Variants in SPATA1 observed in about 807,000 individuals in gnomAD.
SPATA1 encodes spermatogenesis associated 1, also known as spermatogenesis-associated protein 1.
A neutral mutation model predicts 59.6 loss-of-function variants in SPATA1; 57 were observed. The ratio of observed to expected loss-of-function variants is 0.96; its 90% CI spans 0.77 to 1.19. The LOEUF is 1.19. Ranked by LOEUF, SPATA1 falls within the 50% of genes most tolerant of loss-of-function variation. The probability of loss-of-function intolerance (pLI) is 0.00; values close to 1 mark genes in which losing one functional copy is unlikely to be tolerated. For missense variants in SPATA1, 448 were observed against 480.7 expected, an observed-to-expected ratio of 0.93 and a Z score of 0.64; for synonymous variants, 147 against 163.9, an observed-to-expected ratio of 0.90 and a Z score of 0.79.
chr1:84,528,402 A>G (rs1243767194), intron 6 of SPATA1, among the ~76,000 whole-genome samples: 3 of 152,164 alleles, frequency 2.0e-5, no homozygotes, highest in Non-Finnish European at 4.4e-5. Context: ...TCTTTTGATC[A>G]TAGGAATTCC....
chr1:84,548,490 A>G lies in SPATA1; in HGVS notation c.947-296A>G, dbSNP rs1684163933. Among the ~76,000 whole-genome samples the G allele has an allele frequency of 3.4e-5, 5 of 148,174 alleles. No individual in the cohort carries two copies. In the South Asian group the frequency reaches 1.0e-3, roughly 31 times the overall value. ...AGTATATATATTGCTTTTATAATAT[A>G]TATTACTATTCAATGTATTACTTTT... On this transcript the variant is annotated intron_variant, in intron 10 of 12. Coordinates refer to ENST00000490879, the Ensembl canonical transcript of SPATA1.
exon 10 of SPATA1, chr1:84,545,659 A>G (rs1228142743): frequency 2.6e-6 from 4 of 1,519,220 alleles, no homozygotes; most frequent in Admixed American, 5.0e-5. Flanking sequence ...AACAAATGAA[A>G]CAAGTAAAGG....
At chr1:84,556,875 T>C (rs1558622799), downstream of SPATA1, among the ~76,000 whole-genome samples, 1 of 152,196 alleles carries the variant, frequency 6.6e-6, no homozygotes, top group Non-Finnish European at 1.5e-5. Flanking sequence ...AAGCCATGCA[T>C]GCCCTAGTAA....
rs554930409 is a variant in SPATA1, at chr1:84,549,140, A to G, written c.1125+176A>G. ...GGAGCATTGCTGAGGAGATACAGTC[A>G]GCAGCTTAATGTTGCCTTTAAGGGG... On this transcript the variant is annotated intron_variant, in intron 11 of 12. Transcript: ENST00000490879. Among the ~76,000 whole-genome samples, 22 of 152,260 alleles carry G rather than the reference A, an allele frequency of 1.4e-4. No homozygotes were observed. The East Asian group carries it at 4.2e-3, about 29-fold the overall frequency.
intron 6 of SPATA1, among the ~76,000 whole-genome samples, chr1:84,530,144 T>C (rs1197065762): frequency 6.6e-6 from 1 of 152,160 alleles, no homozygotes; most frequent in Non-Finnish European, 1.5e-5. Context: ...CCTCCCAAAG[T>C]GCTAGGATTG....
chr1:84,507,500 C>G (rs1462840868), intron 1 of SPATA1, among the ~76,000 whole-genome samples: 1 of 152,182 alleles, frequency 6.6e-6, no homozygotes, highest in Non-Finnish European at 1.5e-5. Flanking sequence ...GTAAATTATA[C>G]AGCTTCGTAG....
At chr1:84,555,331 G>C (rs923971180), downstream of SPATA1, 4 of 611,000 alleles carry the variant, frequency 6.5e-6, no homozygotes, top group Non-Finnish European at 7.9e-6. Context: ...TATTCAAAAA[G>C]GATACAATGA....
At position 84,506,428 on chromosome 1, in the gene SPATA1, G is replaced by A. The variant is rs1326785212; in HGVS notation, c.-138+10G>A. 5.5e-6 allele frequency: 1 copy of A among 183,212 alleles called. No individual in the cohort carries two copies. The highest frequency in any genetic ancestry group is 1.1e-5 in the Non-Finnish European group (1 of 87,630). The allele number at this position is 183,212 out of a possible 1,614,324, so 11.3% of individuals were successfully genotyped here. On this transcript the variant is annotated intron_variant, in intron 1 of 12. Transcript: ENST00000490879. ...GGCCGATTAGGGAGAGGTAAGGAGA[G>A]AGCTTACCGTTAGCCGCGAAGAACT...
At chr1:84,550,463 A>G in exon 12 of SPATA1, 2 of 1,564,528 alleles carry the variant, frequency 1.3e-6, no homozygotes, top group Non-Finnish European at 1.7e-6. Flanking sequence ...ACTGAGGTAC[A>G]GCATGCAATT....
At chr1:84,529,011 T>A (rs578199423) in intron 6 of SPATA1, among the ~76,000 whole-genome samples, 6 of 152,138 alleles carry the variant, frequency 3.9e-5, no homozygotes, top group South Asian at 2.1e-4. Context: ...ATATATATAT[T>A]TTTTCATATA....
intron 10 of SPATA1, among the ~76,000 whole-genome samples, chr1:84,548,289 C>A (rs1176481958): frequency 2.6e-5 from 4 of 151,724 alleles, no homozygotes. Flanking sequence ...TTTAGAATCT[C>A]ATTGGTATCA....
chr1:84,535,212 C>T (rs534368530), intron 8 of SPATA1, among the ~76,000 whole-genome samples: 10 of 152,140 alleles, frequency 6.6e-5, no homozygotes, highest in South Asian at 4.1e-4. Flanking sequence ...TTAATCCTTA[C>T]GCCAATACCA....
At chr1:84,516,360 A>C (rs549924969) in exon 2 of SPATA1, 84 of 1,524,592 alleles carry the variant, frequency 5.5e-5, no homozygotes, top group Non-Finnish European at 7.2e-5. Flanking sequence ...ATTAGTGAAT[A>C]TGTCACTCAA....
chr1:84,506,711 A>G (rs1682263967), intron 1 of SPATA1: 1 of 152,332 alleles, frequency 6.6e-6, no homozygotes, highest in South Asian at 2.1e-4. Flanking sequence ...TCCACCCCCA[A>G]CCCCCAGCCC....
In SPATA1 at chr1:84,525,836, A is replaced by G; in HGVS notation, c.316-9A>G. The G allele has an allele frequency of 1.2e-6, 2 of 1,604,822 alleles. No individual in the cohort carries two copies. Among genetic ancestry groups the G allele is most frequent in the Non-Finnish European group, 1.7e-6 (2 of 1,177,776 alleles). ...CAAACTAACTTTTAAAATTTCCTAT[A>G]TGTTTTAGGCTCTTCAACCAGAATT... is the stretch of plus-strand genomic sequence containing the variant. On this transcript the variant is annotated splice_polypyrimidine_tract_variant and intron_variant, in intron 5 of 12. Coordinates refer to ENST00000490879, the Ensembl canonical transcript of SPATA1.
chr1:84,550,623 G>A (rs1684241522), intron 12 of SPATA1, 93 bp downstream of exon 12: 2 of 1,339,770 alleles, frequency 1.5e-6, no homozygotes, highest in Non-Finnish European at 9.6e-7. Context: ...TAATATAAGG[G>A]TAGCCAGGAT....
chr1:84,560,825 CA>C (rs1157335210), intron 4 of SPATA1, among the ~76,000 whole-genome samples: 1 of 152,138 alleles, frequency 6.6e-6, no homozygotes, highest in East Asian at 1.9e-4. Context: ...AAGCCTGGCT[CA>C]CAGCACATCT....
rs1371000122 is a variant in SPATA1 at position 84,516,174 on chromosome 1, GT to G, written c.-137-46del. 1.4e-5 allele frequency: 7 copies of G among 510,974 alleles called. 1 individual carries two copies. The highest frequency in any genetic ancestry group is 2.0e-5 in the Non-Finnish European group (6 of 293,278). The allele number at this position is 510,974 out of a possible 1,614,324, so 31.7% of individuals were successfully genotyped here. A position where few individuals can be genotyped will look rare whatever the true frequency, so the allele number is the denominator to read the frequency against. On this transcript the variant is annotated intron_variant, in intron 1 of 12. Transcript: ENST00000490879. Reference sequence around the variant, plus strand: ...ATATATGTCTAAGTTTTCATTTGTAGTTTATTTAATGCTTTTGTGTTTTCCT... The same window carrying G: ...ATATATGTCTAAGTTTTCATTTGTAGTTATTTAATGCTTTTGTGTTTTCCT...
At chr1:84,566,294 G>C (rs1413075700), downstream of SPATA1, 1 of 168,524 alleles carries the variant, frequency 5.9e-6, no homozygotes, top group Non-Finnish European at 1.3e-5. Context: ...CAAACGCTAG[G>C]CTGGTACCTC....
Sources: gnomAD v4.1 joint callset for allele counts (sites outside exome capture counted in the v4.1 genomes callset) on GRCh38, gnomAD v4.1.1 for gene constraint, MANE v1.5 for transcripts, NCBI Gene and HGNC (gene_info 2026-07-23, HGNC 2026-07-21) for gene names.